The following PTPRM variants were observed in gnomAD, a reference collection of about 807,000 sequenced individuals.
The protein encoded by PTPRM is receptor-type tyrosine-protein phosphatase mu.
PTPRM carries 47 observed loss-of-function variants against 186.7 expected under a neutral mutation model. The ratio of observed to expected loss-of-function variants is 0.25; its 90% CI spans 0.20 to 0.32. The LOEUF is 0.32. Among genes scored for constraint, PTPRM ranks in the 10% least tolerant of loss-of-function variants. The pLI, the probability that PTPRM is intolerant of heterozygous loss-of-function variation, is 1.00. For missense variants in PTPRM, 1,494 were observed against 1,865.0 expected, an observed-to-expected ratio of 0.80 and a Z score of 3.66; for synonymous variants, 668 against 674.9, an observed-to-expected ratio of 0.99 and a Z score of 0.16.
At chr18:8,280,145 G>T (rs565562583) in intron 19 of PTPRM, among the ~76,000 whole-genome samples, 74 of 152,270 alleles carry the variant, frequency 4.9e-4, no homozygotes, top group African/African-American at 1.8e-3. Flanking sequence ...GGCTGGAAAT[G>T]CAAGATCAAG....
intron 2 of PTPRM, among the ~76,000 whole-genome samples, chr18:7,829,652 A>G (rs1305882012): frequency 2.6e-5 from 4 of 152,236 alleles, no homozygotes; most frequent in Non-Finnish European, 4.4e-5. Flanking sequence ...GACCATTTGC[A>G]AGGCTTCTTA....
intron 2 of PTPRM, among the ~76,000 whole-genome samples, chr18:7,840,086 G>T (rs2046248573): frequency 7.2e-6 from 1 of 139,540 alleles, no homozygotes; most frequent in African/African-American, 2.7e-5. Context: ...TGGGGTGGAG[G>T]TGGGGGGGGA....
In PTPRM at chr18:8,352,106, G is replaced by T. The variant is rs1365638118; in HGVS notation, c.3054+8586G>T. ...CTATGACACTAATAATCCAAAGATAGTTATAATTCACTTGTCCTCAAAGAA... is the reference window on the plus strand; with the variant it reads ...CTATGACACTAATAATCCAAAGATATTTATAATTCACTTGTCCTCAAAGAA... On this transcript the variant is annotated intron_variant, in intron 23 of 32. Transcript: ENST00000580170. Among the ~76,000 whole-genome samples the T allele has an allele frequency of 2.0e-5, 3 of 152,296 alleles. No individual in the cohort carries two copies. In the East Asian group the frequency reaches 5.8e-4, roughly 29 times the overall value.
intron 21 of PTPRM, among the ~76,000 whole-genome samples, chr18:8,317,251 G>C (rs1167873608): frequency 6.6e-6 from 1 of 152,118 alleles, no homozygotes; most frequent in East Asian, 1.9e-4. Flanking sequence ...ATTGAAGGTA[G>C]AGCCAGTAGG....
chr18:7,674,140 C>A (rs2039281007), intron 1 of PTPRM, among the ~76,000 whole-genome samples: 1 of 152,140 alleles, frequency 6.6e-6, no homozygotes, highest in African/African-American at 2.4e-5. Context: ...CTTAACCTTG[C>A]CTGCACATTG....
chr18:8,301,756 T>C (rs764065777), intron 20 of PTPRM, among the ~76,000 whole-genome samples: 10 of 152,154 alleles, frequency 6.6e-5, no homozygotes, highest in Non-Finnish European at 1.3e-4. Context: ...ACAGGAGCAA[T>C]TGCTGAGTGC....
intron 2 of PTPRM, among the ~76,000 whole-genome samples, chr18:7,833,696 G>T (rs566094260): frequency 6.6e-6 from 1 of 152,060 alleles, no homozygotes; most frequent in African/African-American, 2.4e-5. Context: ...ATCTCACCAT[G>T]GCACTCCAGC....
intron 7 of PTPRM, among the ~76,000 whole-genome samples, chr18:7,980,411 G>A (rs377436013): frequency 6.6e-6 from 1 of 151,982 alleles, no homozygotes; most frequent in South Asian, 2.1e-4. Context: ...TTTAGAGACA[G>A]GGTCTTGCTC....
intron 1 of PTPRM, among the ~76,000 whole-genome samples, chr18:7,699,082 T>C (rs2039904204): frequency 6.6e-6 from 1 of 152,140 alleles, no homozygotes; most frequent in Non-Finnish European, 1.5e-5. Context: ...GCGGCAGCAT[T>C]AGATTCTCAT....
At chr18:8,288,223 ATAT>A in intron 19 of PTPRM, among the ~76,000 whole-genome samples, 1 of 152,200 alleles carries the variant, frequency 6.6e-6, no homozygotes, top group Non-Finnish European at 1.5e-5. Flanking sequence ...AACTGATGAA[ATAT>A]TCTTGTGATG....
At chr18:8,350,451 T>C (rs2148317804) in intron 23 of PTPRM, among the ~76,000 whole-genome samples, 1 of 152,342 alleles carries the variant, frequency 6.6e-6, no homozygotes, top group South Asian at 2.1e-4. Context: ...AAAGCCAACC[T>C]GTCCTTCTTT....
intron 2 of PTPRM, among the ~76,000 whole-genome samples, chr18:7,819,509 C>T (rs1043221503): frequency 1.3e-5 from 2 of 152,126 alleles, no homozygotes; most frequent in African/African-American, 4.8e-5. Context: ...AGTGGCTCAA[C>T]TCTAGGGGAA....
At chr18:7,635,976 A>G (rs973675562) in intron 1 of PTPRM, among the ~76,000 whole-genome samples, 1 of 152,220 alleles carries the variant, frequency 6.6e-6, no homozygotes. Context: ...TAAATGACTT[A>G]TTTGGCCATT....
Position 7,916,949 on chromosome 18 carries a change from C to T in PTPRM, c.548-9619C>T, listed in dbSNP as rs146756911. ...CATTAGCCAACATGTTGTCCCTCTA[C>T]GCCCTACCTTTCCTATCCCTTAGTA... On this transcript the variant is annotated intron_variant, in intron 4 of 32. Coordinates refer to ENST00000580170, the MANE Select transcript of PTPRM (RefSeq NM_001105244.2). Among the ~76,000 whole-genome samples the T allele has an allele frequency of 2.7e-3, 411 of 152,300 alleles. 1 individual carries two copies. Among genetic ancestry groups the T allele is most frequent in the Admixed American group, 5.8e-3 (89 of 15,298 alleles).
At chr18:8,077,513 TG>T (rs1865801616) in intron 9 of PTPRM, among the ~76,000 whole-genome samples, 8 of 152,326 alleles carry the variant, frequency 5.3e-5, no homozygotes, top group Admixed American at 4.6e-4. Context: ...AGTTGATTTT[TG>T]TACTGTTATT....
chr18:7,611,671 A>T (rs911223806), intron 1 of PTPRM, among the ~76,000 whole-genome samples: 1 of 152,124 alleles, frequency 6.6e-6, no homozygotes, highest in African/African-American at 2.4e-5. Context: ...GAGGTAATTG[A>T]ATCATGGGGG....
At chr18:7,980,055 G>A (rs1054141601) in intron 7 of PTPRM, among the ~76,000 whole-genome samples, 2 of 152,072 alleles carry the variant, frequency 1.3e-5, no homozygotes, top group African/African-American at 2.4e-5. Flanking sequence ...ATGCCCCTGA[G>A]CGTCTTACTC....
intron 23 of PTPRM, among the ~76,000 whole-genome samples, chr18:8,357,614 T>A (rs1450370068): frequency 6.6e-6 from 1 of 152,148 alleles, no homozygotes; most frequent in African/African-American, 2.4e-5. Context: ...CCCGTTGTGT[T>A]CTGTATAATT....
intron 4 of PTPRM, among the ~76,000 whole-genome samples, chr18:7,909,066 G>A (rs1291380200): frequency 2.0e-5 from 3 of 152,214 alleles, no homozygotes; most frequent in African/African-American, 7.2e-5. Flanking sequence ...TGCAGTCAAG[G>A]TTGCACATGG....
Sources: gnomAD v4.1 joint callset for allele counts (sites outside exome capture counted in the v4.1 genomes callset) on GRCh38, gnomAD v4.1.1 for gene constraint, MANE v1.5 for transcripts, NCBI Gene and HGNC (gene_info 2026-07-23, HGNC 2026-07-21) for gene names.